Variants in SEMA4D observed in about 807,000 individuals in gnomAD.
SEMA4D encodes semaphorin 4D.
In SEMA4D, 22 loss-of-function variants were observed where a neutral mutation model predicts 74.8. The observed-to-expected ratio is 0.29, with a 90% CI of 0.21 to 0.42. The LOEUF is 0.42. Ranked by LOEUF, SEMA4D falls within the 10% of genes least tolerant of loss-of-function variation. The pLI, the probability that SEMA4D is intolerant of heterozygous loss-of-function variation, is 1.00. For synonymous variants in SEMA4D, 445 were observed against 463.7 expected (o/e 0.96, Z 0.52); for missense variants, 937 against 1,118.4 (o/e 0.84, Z 2.31).
At chr9:89,385,129 CG>C in intron 13 of SEMA4D, 2 of 912,478 alleles carry the variant, frequency 2.2e-6, no homozygotes, top group Non-Finnish European at 2.6e-6. Flanking sequence ...TGGGAGATGG[CG>C]GGTGGGCACT....
intron 2 of SEMA4D, among the ~76,000 whole-genome samples, chr9:89,437,723 T>TGCTAAAGGAAGGTA (rs779014733): frequency 2.6e-4 from 39 of 152,160 alleles, no homozygotes; most frequent in Non-Finnish European, 5.0e-4. Context: ...GGTAGCAACG[T>TGCTAAAGGAAGGTA]GACTTGAGCA....
chr9:89,459,407 C>T (rs1856729194), intron 1 of SEMA4D, among the ~76,000 whole-genome samples: 1 of 152,168 alleles, frequency 6.6e-6, no homozygotes, highest in South Asian at 2.1e-4. Context: ...TTTTGTGTGC[C>T]AAGCTGCATC....
Position 89,388,620 on chromosome 9 carries a change from C to T in SEMA4D, c.1107+16G>A, listed in dbSNP as rs767599890. ...TTGAAGGGAAAGCACGGCCCGCCCC[C>T]AGTGCCCCAGCTCACCGCTCCAGGC... On this transcript the variant is annotated intron_variant, in intron 11 of 15. Transcript: ENST00000422704. The T allele has an allele frequency of 6.3e-7, 1 of 1,590,414 alleles. No individual in the cohort carries two copies. Among genetic ancestry groups the T allele is most frequent in the Non-Finnish European group, 8.5e-7 (1 of 1,176,144 alleles).
chr9:89,393,113 A>G (rs1840208168), intron 7 of SEMA4D, among the ~76,000 whole-genome samples: 1 of 152,190 alleles, frequency 6.6e-6, no homozygotes. Context: ...TTCATGCTCC[A>G]TGTTCAGCTG....
intron 1 of SEMA4D, among the ~76,000 whole-genome samples, chr9:89,480,463 C>T (rs1485112687): frequency 6.6e-6 from 1 of 152,246 alleles, no homozygotes; most frequent in East Asian, 1.9e-4. Context: ...CGCCGTGGAG[C>T]AGGGGGTGGC....
At chr9:89,364,204 C>T in intron 16 of SEMA4D, 3 of 668,298 alleles carry the variant, frequency 4.5e-6, no homozygotes, top group Middle Eastern at 4.3e-4. Context: ...CCTGTGTGGC[C>T]TGTGTCCCCT....
intron 1 of SEMA4D, among the ~76,000 whole-genome samples, chr9:89,459,514 A>C (rs4360376): frequency 0.16 from 23,764 of 152,240 alleles, 2,463 homozygotes; most frequent in South Asian, 0.23. Flanking sequence ...TCAATGTGAG[A>C]AACAGCCTAC....
At chr9:89,488,113 G>A (rs189075500) in intron 1 of SEMA4D, among the ~76,000 whole-genome samples, 68 of 152,290 alleles carry the variant, frequency 4.5e-4, no homozygotes, top group Non-Finnish European at 1.5e-5. Flanking sequence ...GTGATACTGG[G>A]ACCTATGAGG....
chr9:89,431,180 A>T (rs923749830), intron 2 of SEMA4D, among the ~76,000 whole-genome samples: 2 of 152,216 alleles, frequency 1.3e-5, no homozygotes, highest in East Asian at 1.9e-4. Context: ...ACCCAGTCAT[A>T]AAAGGTCACA....
rs78436535 is a variant in SEMA4D at position 89,454,563 on chromosome 9, C to T, written c.-244+1325G>A. On this transcript the variant is annotated intron_variant, in intron 2 of 15. Transcript: ENST00000422704. ...CTTCTCTTCTGGTTCCATCCAAGCA[C>T]GTAAACAAGCCGGAAACGAGAGACC... Among the ~76,000 whole-genome samples the T allele has an allele frequency of 2.6e-3, 403 of 152,336 alleles. 2 individuals are homozygous for T. Among genetic ancestry groups the T allele is most frequent in the African/African-American group, 9.2e-3 (381 of 41,576 alleles).
chr9:89,457,062 G>A (rs1390969279), intron 1 of SEMA4D, among the ~76,000 whole-genome samples: 1 of 152,204 alleles, frequency 6.6e-6, no homozygotes, highest in Admixed American at 6.5e-5. Context: ...GCACAGAGCC[G>A]CAAATGGCAA....
chr9:89,462,213 T>C (rs1171323913), intron 1 of SEMA4D, among the ~76,000 whole-genome samples: 1 of 152,194 alleles, frequency 6.6e-6, no homozygotes, highest in Non-Finnish European at 1.5e-5. Context: ...CAGAAATCGC[T>C]TGGTGTGAGT....
At chr9:89,437,773 C>T (rs1438664967) in intron 2 of SEMA4D, among the ~76,000 whole-genome samples, 2 of 152,214 alleles carry the variant, frequency 1.3e-5, no homozygotes, top group African/African-American at 2.4e-5. Context: ...CTCTGAGCCT[C>T]GGAGATGAAC....
intron 13 of SEMA4D, among the ~76,000 whole-genome samples, chr9:89,384,272 C>T (rs142593865): frequency 3.3e-5 from 5 of 152,264 alleles, no homozygotes; most frequent in South Asian, 2.1e-4. Flanking sequence ...ACACAAAATG[C>T]GGGACTCACA....
chr9:89,381,202 C>T lies in SEMA4D; in HGVS notation c.1591G>A (p.Ala531Thr). Residue 531 changes from alanine (A) to threonine (T), a missense_variant, in exon 14 of 16, where the codon GCT becomes ACT. By Grantham distance (58) the Ala-to-Thr change is moderately conservative. Transcript: ENST00000422704. This position sits in a 1 kb window ranked among gnomAD's most constrained non-coding sequence, Gnocchi z 4.6. ...AWSPPTATCVALHQTESPSRG... is the reference protein window; with the variant it reads ...AWSPPTATCVTLHQTESPSRG... ...CTGGGGCTCTCGGTCTGGTGCAGAG[C>T]CACGCAGGTCGCTGTGGGCGGGCTC... 3 of 1,610,090 alleles carry T rather than the reference C, an allele frequency of 1.9e-6. No homozygotes were observed. In the South Asian group the frequency reaches 3.3e-5, roughly 18 times the overall value.
At chr9:89,393,525 A>C in intron 7 of SEMA4D, 37 bp downstream of exon 7, 1 of 1,515,598 alleles carries the variant, frequency 6.6e-7, no homozygotes, top group Non-Finnish European at 9.2e-7. Context: ...TGCCACTGTA[A>C]TCTTCACGGT....
At chr9:89,407,287 T>C (rs1402932046) in intron 2 of SEMA4D, among the ~76,000 whole-genome samples, 1 of 149,916 alleles carries the variant, frequency 6.7e-6, no homozygotes, top group Non-Finnish European at 1.5e-5. Flanking sequence ...TAAAGGAGGC[T>C]GATTCAGCTA....
intron 2 of SEMA4D, among the ~76,000 whole-genome samples, chr9:89,416,601 G>A (rs28680712): frequency 0.18 from 27,688 of 152,106 alleles, 2,796 homozygotes; most frequent in Middle Eastern, 0.29. Flanking sequence ...TACACACAGG[G>A]ACACACAGAT....
chr9:89,437,495 C>T (rs1433753334), intron 2 of SEMA4D, among the ~76,000 whole-genome samples: 2 of 152,250 alleles, frequency 1.3e-5, no homozygotes, highest in African/African-American at 2.4e-5. Context: ...CACCCACCCC[C>T]ACCCAGCACC....
Sources: allele counts gnomAD v4.1 joint callset (sites outside exome capture counted in the v4.1 genomes callset), GRCh38; gene constraint gnomAD v4.1.1; non-coding constraint Gnocchi (gnomAD v3.1); transcripts MANE v1.5; gene names NCBI Gene and HGNC (gene_info 2026-07-23, HGNC 2026-07-21).